PBX1: variants seen among roughly 807,000 people sequenced by gnomAD.
PBX1 encodes pre-B-cell leukemia transcription factor 1.
Under a neutral mutation model 53.4 loss-of-function variants are expected in PBX1, and 6 were observed. That is an observed-to-expected ratio of 0.11 (90% CI 0.06 to 0.22). The LOEUF is 0.22. Among genes scored for constraint, PBX1 ranks in the 10% least tolerant of loss-of-function variants. PBX1 has a pLI of 1.00. For missense variants in PBX1, 251 were observed against 551.4 expected, an observed-to-expected ratio of 0.46 and a Z score of 5.46; for synonymous variants, 204 against 212.3, an observed-to-expected ratio of 0.96 and a Z score of 0.34.
At chr1:164,680,793 A>G (rs1389136501) in intron 2 of PBX1, 5 of 152,238 alleles carry the variant, frequency 3.3e-5, no homozygotes, top group Non-Finnish European at 5.9e-5. Context: ...GCTCTCCTGC[A>G]TTCAAATAGT....
chr1:164,840,849 A>G (rs1019088910), intron 8 of PBX1, among the ~76,000 whole-genome samples: 2 of 152,178 alleles, frequency 1.3e-5, no homozygotes, highest in African/African-American at 4.8e-5. Context: ...AGGTGTACAC[A>G]GCTATTTACA....
Position 164,559,667 on chromosome 1 carries a change from A to ATT in PBX1, c.-147_-146dup. ...CACCATCCTCTAAAGAGGCAAAGGGATTTTTTTTTTCTTTTGGTCTTCTTT... is the reference window on the plus strand; with the variant it reads ...CACCATCCTCTAAAGAGGCAAAGGGATTTTTTTTTTTTCTTTTGGTCTTCTTT... On this transcript the variant is annotated 5_prime_UTR_variant, in exon 1 of 9. Transcript: ENST00000420696. The ATT allele has an allele frequency of 3.3e-6, 1 of 303,990 alleles. No individual in the cohort carries two copies. Among genetic ancestry groups the ATT allele is most frequent in the Non-Finnish European group, 5.6e-6 (1 of 177,784 alleles). 18.8% of individuals were successfully genotyped at this position (303,990 alleles called of 1,614,324 possible).
At chr1:164,690,048 T>C (rs1662370546) in intron 2 of PBX1, among the ~76,000 whole-genome samples, 1 of 152,206 alleles carries the variant, frequency 6.6e-6, no homozygotes, top group Non-Finnish European at 1.5e-5. Flanking sequence ...CTGCTTGCGA[T>C]GTTATTGCAG....
intron 2 of PBX1, chr1:164,674,489 G>A (rs1288924895): frequency 6.6e-6 from 1 of 152,196 alleles, no homozygotes; most frequent in East Asian, 1.9e-4. Context: ...CCATTTTCCA[G>A]TTACAGAGAC....
At chr1:164,677,812 G>A (rs533128920) in intron 2 of PBX1, among the ~76,000 whole-genome samples, 207 of 152,236 alleles carry the variant, frequency 1.4e-3, no homozygotes, top group African/African-American at 4.7e-3. Context: ...GTGACAATGA[G>A]GGGATTGGCT....
chr1:164,785,907 G>A (rs1668150696), intron 2 of PBX1, among the ~76,000 whole-genome samples: 1 of 152,174 alleles, frequency 6.6e-6, no homozygotes, highest in South Asian at 2.1e-4. Context: ...GGCTTCCTGG[G>A]GTCATACCAG....
chr1:164,744,630 GCA>G (rs1557980438), intron 2 of PBX1, among the ~76,000 whole-genome samples: 1 of 152,110 alleles, frequency 6.6e-6, no homozygotes, highest in Non-Finnish European at 1.5e-5. Flanking sequence ...AGAGTGCCTG[GCA>G]CAGAGTCATT....
chr1:164,771,608 A>C lies in PBX1; in HGVS notation c.266-20886A>C, dbSNP rs548553241. 311 of 152,188 alleles carry C rather than the reference A, an allele frequency of 2.0e-3. 1 individual carries two copies. Among genetic ancestry groups the C allele is most frequent in the African/African-American group, 7.0e-3 (290 of 41,502 alleles). 9.4% of individuals were successfully genotyped at this position (152,188 alleles called of 1,614,324 possible). A position where few individuals can be genotyped will look rare whatever the true frequency, so the allele number is the denominator to read the frequency against. ...AAAAAAAAAAAGAATGCAAATAGAAATTGCGCTGGAAGCTGAACTGAACAT... is the reference window on the plus strand; with the variant it reads ...AAAAAAAAAAAGAATGCAAATAGAACTTGCGCTGGAAGCTGAACTGAACAT... On this transcript the variant is annotated intron_variant, in intron 2 of 8. Transcript: ENST00000420696.
At chr1:164,773,379 C>G (rs1163224111) in intron 2 of PBX1, among the ~76,000 whole-genome samples, 1 of 152,122 alleles carries the variant, frequency 6.6e-6, no homozygotes, top group Non-Finnish European at 1.5e-5. Flanking sequence ...CTATTTCAAA[C>G]ACTGCTGACA....
chr1:164,798,938 T>A (rs1192005239), intron 3 of PBX1, among the ~76,000 whole-genome samples: 1 of 152,174 alleles, frequency 6.6e-6, no homozygotes, highest in African/African-American at 2.4e-5. Flanking sequence ...ATTCCATAAT[T>A]CCATTTAAAC....
At chr1:164,780,562 G>A (rs2102273517) in intron 2 of PBX1, among the ~76,000 whole-genome samples, 1 of 152,190 alleles carries the variant, frequency 6.6e-6, no homozygotes, top group African/African-American at 2.4e-5. Flanking sequence ...AGGCACCAGG[G>A]AAGACGTCTG....
At chr1:164,612,964 T>A (rs1470157805) in intron 2 of PBX1, among the ~76,000 whole-genome samples, 2 of 152,174 alleles carry the variant, frequency 1.3e-5, no homozygotes, top group Non-Finnish European at 2.9e-5. Flanking sequence ...CCCAGGGTTA[T>A]TGGGCAGTTT....
chr1:164,656,677 A>G (rs569440966), intron 2 of PBX1, among the ~76,000 whole-genome samples: 1 of 152,306 alleles, frequency 6.6e-6, no homozygotes, highest in East Asian at 1.9e-4. Flanking sequence ...AGTGACGGAA[A>G]AAAAAAACCT....
chr1:164,604,026 T>C (rs1399333679), intron 2 of PBX1, among the ~76,000 whole-genome samples: 4 of 138,534 alleles, frequency 2.9e-5, no homozygotes, highest in Non-Finnish European at 6.1e-5. Context: ...CTGCAGCCTC[T>C]GCCTCCCAGG....
intron 2 of PBX1, among the ~76,000 whole-genome samples, chr1:164,687,851 TAAAG>T (rs1291620149): frequency 1.3e-5 from 2 of 152,186 alleles, no homozygotes; most frequent in Non-Finnish European, 2.9e-5. Context: ...AGCACTCACT[TAAAG>T]AAGAAATAAC....
chr1:164,814,935 C>T (rs571301902), intron 6 of PBX1: 2 of 151,766 alleles, frequency 1.3e-5, no homozygotes, highest in African/African-American at 2.4e-5. Flanking sequence ...GACTAAAACC[C>T]GGGGGGATTA....
At chr1:164,592,226 C>A (rs1655438245) in intron 2 of PBX1, among the ~76,000 whole-genome samples, 2 of 152,202 alleles carry the variant, frequency 1.3e-5, no homozygotes, top group African/African-American at 4.8e-5. Context: ...GAAATCTTCA[C>A]AGGGCTCATA....
intron 2 of PBX1, among the ~76,000 whole-genome samples, chr1:164,614,920 C>A (rs1248345622): frequency 6.6e-6 from 1 of 152,110 alleles, no homozygotes; most frequent in Non-Finnish European, 1.5e-5. Flanking sequence ...ACTACAGGAG[C>A]CTGTCACCAC....
chr1:164,718,325 T>C (rs1382370013), intron 2 of PBX1, among the ~76,000 whole-genome samples: 1 of 152,214 alleles, frequency 6.6e-6, no homozygotes, highest in Non-Finnish European at 1.5e-5. Context: ...TCCACAAAGA[T>C]AGCCATGCCT....
Sources: gnomAD v4.1 joint callset for allele counts (sites outside exome capture counted in the v4.1 genomes callset) on GRCh38, gnomAD v4.1.1 for gene constraint, MANE v1.5 for transcripts, NCBI Gene and HGNC (gene_info 2026-07-23, HGNC 2026-07-21) for gene names.